Variants in SLC4A2 observed in about 807,000 individuals in gnomAD.
SLC4A2 encodes anion exchange protein 2.
SLC4A2 carries 36 observed loss-of-function variants against 115.0 expected under a neutral mutation model. The ratio of observed to expected loss-of-function variants is 0.31; its 90% CI spans 0.24 to 0.41. The LOEUF is 0.41. SLC4A2 is among the 10% of genes least tolerant of loss of function. The pLI is 1.00. For missense variants in SLC4A2, 1,252 were observed against 1,705.6 expected, an observed-to-expected ratio of 0.73 and a Z score of 4.68; for synonymous variants, 708 against 708.3, an observed-to-expected ratio of 1.00 and a Z score of 0.01.
At position 151,069,912 on chromosome 7, in the gene SLC4A2, G is replaced by A. The variant is rs764252969; in HGVS notation, c.1148-35G>A. 3.1e-5 allele frequency: 50 copies of A among 1,612,944 alleles called. 1 individual carries two copies. In the South Asian group the frequency reaches 5.5e-4, roughly 18 times the overall value. On this transcript the variant is annotated intron_variant, in intron 8 of 22. Coordinates refer to ENST00000413384, the MANE Select transcript of SLC4A2 (RefSeq NM_003040.4). ...ATCTCCTGCCACTGTTTTGTGACCT[G>A]GGGCTGAGGGGCCCTCTGTGCCATC...
At chr7:151,075,536 C>T in intron 20 of SLC4A2, 28 bp downstream of exon 20, 5 of 1,593,990 alleles carry the variant, frequency 3.1e-6, no homozygotes, top group Non-Finnish European at 4.3e-6. Flanking sequence ...TTTCCCTTCC[C>T]AGTGGATTCC....
chr7:151,066,851 G>A lies in SLC4A2; in HGVS notation c.824G>A (p.Ser275Asn). ...LATADLDLMKSHRFEDVPGVR... is the reference protein window; with the variant it reads ...LATADLDLMKNHRFEDVPGVR... ...CAACCTTGGTCCTCTGCCCCCACAG[G>A]TCACCGGTTTGAGGACGTTCCTGGG... Residue 275 changes from serine to asparagine, a missense_variant and splice_region_variant, in exon 7 of 23, where the codon AGT (serine) becomes AAT (asparagine). Coordinates refer to ENST00000413384, the MANE Select transcript of SLC4A2 (RefSeq NM_003040.4). The A allele has an allele frequency of 6.2e-7, 1 of 1,611,710 alleles. No homozygotes were observed. Among genetic ancestry groups the A allele is most frequent in the Non-Finnish European group, 8.5e-7 (1 of 1,178,960 alleles).
upstream of SLC4A2, chr7:151,059,530 C>CT (rs1796976838): frequency 6.6e-6 from 1 of 151,260 alleles, no homozygotes; most frequent in Non-Finnish European, 1.5e-5. This position sits in a 1 kb window ranked among gnomAD's most constrained non-coding sequence, Gnocchi z 5.8. Context: ...CCGCCCCGGC[C>CT]CCCGCTCCCG....
intron 19 of SLC4A2, 170 bp from the exon 20 acceptor site, chr7:151,075,085 G>T: frequency 9.5e-7 from 1 of 1,057,788 alleles, no homozygotes; most frequent in South Asian, 1.4e-5. Flanking sequence ...GACGATAAGG[G>T]CTGGGGGCCC....
rs970939987 is a variant in SLC4A2 at position 151,066,588 on chromosome 7, G to T, written c.650G>T (p.Gly217Val). 1 of 1,547,646 alleles carries T rather than the reference G, an allele frequency of 6.5e-7. No homozygotes were observed. Among genetic ancestry groups the T allele is most frequent in the South Asian group, 1.2e-5 (1 of 83,892 alleles). The change falls in exon 6 of 23, where the codon GGT (glycine) becomes GTT (valine). Residue 217 changes from glycine (G) to valine (V), a missense_variant. Coordinates refer to ENST00000413384, the MANE Select transcript of SLC4A2 (RefSeq NM_003040.4). Reference protein sequence around the residue: ...ASGTAGGDDGGASGRPLPKAQ... With the variant: ...ASGTAGGDDGVASGRPLPKAQ... The stretch of plus-strand genomic sequence containing the variant: ...GGCACTGCAGGGGGTGACGACGGGG[G>T]TGCCTCGGGGCGCCCCCTGCCCAAA...
At chr7:151,075,538 G>A in intron 20 of SLC4A2, 30 bp downstream of exon 20, 1 of 1,594,062 alleles carries the variant, frequency 6.3e-7, no homozygotes, top group South Asian at 1.1e-5. Flanking sequence ...TCCCTTCCCA[G>A]TGGATTCCCC....
At chr7:151,065,843 G>A (rs1054280702) in intron 5 of SLC4A2, among the ~76,000 whole-genome samples, 3 of 152,186 alleles carry the variant, frequency 2.0e-5, no homozygotes, top group Non-Finnish European at 4.4e-5. Context: ...GGACTCTGAT[G>A]TTGAGTCAGA....
Position 151,067,936 on chromosome 7 carries a change from A to G in SLC4A2, c.1029A>G (p.Thr343=). The G allele has an allele frequency of 1.2e-6, 2 of 1,608,646 alleles. No individual in the cohort carries two copies. Among genetic ancestry groups the G allele is most frequent in the Non-Finnish European group, 8.5e-7 (1 of 1,176,808 alleles). ...DKNQEPQWRE[T]ARWIKFEEDV... ...ACCAGGAGCCCCAGTGGCGGGAGAC[A>G]GCTCGCTGGATCAAATTTGAAGAGG... The change falls in exon 8 of 23, where the codon ACA becomes ACG. Residue 343 remains threonine (T), a synonymous_variant. Transcript: ENST00000413384.
rs1471254021 is a variant in SLC4A2, at chr7:151,071,524, C to G, written c.2110C>G (p.Leu704Val). ...CTACCTGAGTGACTTCCGAGATGCA[C>G]TTGACCCTCAGTGCCTGGCCGCAGT... ...PHYLSDFRDA[L>V]DPQCLAAVIF... The change falls in exon 14 of 23, where the codon CTT becomes GTT. Residue 704 changes from leucine (L) to valine (V), a missense_variant. Coordinates refer to ENST00000413384, the MANE Select transcript of SLC4A2 (RefSeq NM_003040.4). This position sits in a 1 kb window ranked among gnomAD's most constrained non-coding sequence, Gnocchi z 5.5. The G allele has an allele frequency of 6.2e-7, 1 of 1,614,010 alleles. No homozygotes were observed. Among genetic ancestry groups the G allele is most frequent in the African/African-American group, 1.3e-5 (1 of 75,052 alleles).
At chr7:151,074,646 C>T in intron 18 of SLC4A2, 29 bp from the exon 19 acceptor site, 2 of 1,584,614 alleles carry the variant, frequency 1.3e-6, no homozygotes, top group Non-Finnish European at 1.7e-6. Context: ...CACCTTAACC[C>T]TTGTCCCTAC....
At position 151,061,986 on chromosome 7, in the gene SLC4A2, C is replaced by A. The variant is rs375928042; in HGVS notation, c.-2C>A. On this transcript the variant is annotated 5_prime_UTR_variant, in exon 2 of 23. Transcript: ENST00000413384. ...GACAGCGAAAAGGGCTAAGATTCGG[C>A]CATGAGCAGCGCCCCTCGGCGCCCC... 35 of 1,609,916 alleles carry A rather than the reference C, an allele frequency of 2.2e-5. No homozygotes were observed. The African/African-American group carries it at 4.3e-4, about 20-fold the overall frequency.
At chr7:151,069,530 G>C (rs1328627252) in intron 8 of SLC4A2, among the ~76,000 whole-genome samples, 2 of 152,204 alleles carry the variant, frequency 1.3e-5, no homozygotes, top group Non-Finnish European at 2.9e-5. Flanking sequence ...TTGTGTATCA[G>C]GGTAGAACTA....
intron 7 of SLC4A2, among the ~76,000 whole-genome samples, chr7:151,067,556 G>C (rs1478863144): frequency 6.6e-6 from 1 of 152,254 alleles, no homozygotes; most frequent in Non-Finnish European, 1.5e-5. Context: ...AAACGCCATT[G>C]CTTTCATATA....
chr7:151,071,754 G>C lies in SLC4A2; in HGVS notation c.2257G>C (p.Val753Leu). 6.2e-7 allele frequency: 1 copy of C among 1,612,912 alleles called. No homozygotes were observed. Among genetic ancestry groups the C allele is most frequent in the Non-Finnish European group, 8.5e-7 (1 of 1,179,710 alleles). The change falls in exon 15 of 23, where the codon GTC (valine) becomes CTC (leucine). Residue 753 changes from valine to leucine, a missense_variant. Around this residue, in one of 14 missense-constraint regions of SLC4A2, gnomAD observed 118 missense variants for 203.3 expected, o/e 0.58. Transcript: ENST00000413384. This position sits in a 1 kb window ranked among gnomAD's most constrained non-coding sequence, Gnocchi z 5.5. The part of the protein sequence containing the change: ...LIMSTALQGV[V>L]FCLLGAQPLL... ...TATGTCCACAGCGCTCCAGGGCGTG[G>C]TCTTCTGCCTGCTGGGTGCCCAGCC...
rs563812952 is a variant in SLC4A2, at chr7:151,072,443, C to T, written c.2535+307C>T. ...AGTAGCTGGGATTATAGGTGTGCACCGCTATACCTGGCTAATTTTTGTAAT... is the reference window on the plus strand; with the variant it reads ...AGTAGCTGGGATTATAGGTGTGCACTGCTATACCTGGCTAATTTTTGTAAT... On this transcript the variant is annotated intron_variant, in intron 16 of 22. Transcript: ENST00000413384. 3.7e-4 allele frequency among the ~76,000 whole-genome samples: 56 copies of T among 152,010 alleles called. 2 individuals carry two copies. The South Asian group carries it at 3.9e-3, about 11-fold the overall frequency.
At position 151,076,157 on chromosome 7, in the gene SLC4A2, C is replaced by T. The variant is rs771093000; in HGVS notation, c.3616C>T (p.Arg1206Cys). Reference sequence around the variant, plus strand: ...GCCGCTCCGCATGGTGGTGCTCACCCGTATCTTCACCGACCGAGAGATGAA... The same window carrying T: ...GCCGCTCCGCATGGTGGTGCTCACCTGTATCTTCACCGACCGAGAGATGAA... ...TVPLRMVVLT[R>C]IFTDREMKCL... Residue 1206 changes from arginine to cysteine, a missense_variant, in exon 22 of 23, where the codon CGT becomes TGT. Physicochemically the swap from Arg to Cys is radical, Grantham distance 180. Around this residue, in one of 14 missense-constraint regions of SLC4A2, gnomAD observed 52 missense variants for 40.6 expected, o/e 1.28. Transcript: ENST00000413384. 4.3e-6 allele frequency: 7 copies of T among 1,610,688 alleles called. No individual in the cohort carries two copies. The highest frequency in any genetic ancestry group is 2.7e-5 in the African/African-American group (2 of 74,926).
intron 2 of SLC4A2, chr7:151,063,283 G>A (rs1797118901): frequency 2.0e-6 from 2 of 993,120 alleles, no homozygotes; most frequent in East Asian, 3.1e-5. Flanking sequence ...TCTCCTGGGG[G>A]CTGAAGGGCA....
intron 9 of SLC4A2, 45 bp from the exon 10 acceptor site, chr7:151,070,136 C>T (rs966567684): frequency 1.5e-5 from 25 of 1,614,064 alleles, no homozygotes; most frequent in Non-Finnish European, 2.0e-5. Flanking sequence ...TGCCCTGGCC[C>T]TTGTCATTGA....
Position 151,071,319 on chromosome 7 carries a change from G to T in SLC4A2, c.1975+22G>T, listed in dbSNP as rs1015597450. Reference sequence around the variant, plus strand: ...AAGGGTACGGCCAGGGCGGGCTGGGGCCAGGGCTGCCTCGAGGGGGTGAGG... The same window carrying T: ...AAGGGTACGGCCAGGGCGGGCTGGGTCCAGGGCTGCCTCGAGGGGGTGAGG... On this transcript the variant is annotated intron_variant, in intron 13 of 22. Coordinates refer to ENST00000413384, the MANE Select transcript of SLC4A2 (RefSeq NM_003040.4). This position sits in a 1 kb window ranked among gnomAD's most constrained non-coding sequence, Gnocchi z 5.5. The T allele has an allele frequency of 6.5e-7, 1 of 1,544,458 alleles. No individual in the cohort carries two copies. Among genetic ancestry groups the T allele is most frequent in the African/African-American group, 1.4e-5 (1 of 73,402 alleles).
Sources: gnomAD v4.1 joint callset for allele counts (sites outside exome capture counted in the v4.1 genomes callset) on GRCh38, gnomAD v4.1.1 for gene constraint, gnomAD v4.1.1 regional missense constraint, Gnocchi (gnomAD v3.1) non-coding constraint, MANE v1.5 for transcripts, NCBI Gene and HGNC (gene_info 2026-07-23, HGNC 2026-07-21) for gene names.